ZNF169: variants seen among roughly 807,000 people sequenced by gnomAD.
The protein encoded by ZNF169 is zinc finger protein 169.
ZNF169 carries 11 observed loss-of-function variants against 12.0 expected under a neutral mutation model. The observed-to-expected ratio is 0.92, with a 90% confidence interval of 0.58 to 1.52. The LOEUF is 1.52. Among genes scored for constraint, ZNF169 ranks in the 40% most tolerant of loss-of-function variants. The pLI, the probability that ZNF169 is intolerant of heterozygous loss-of-function variation, is 0.00. For missense variants in ZNF169, 722 were observed against 744.0 expected, an observed-to-expected ratio of 0.97 and a Z score of 0.34; for synonymous variants, 302 against 286.5, an observed-to-expected ratio of 1.05 and a Z score of -0.55.
At chr9:94,278,157 A>C (rs1830558453) in intron 1 of ZNF169, among the ~76,000 whole-genome samples, 1 of 152,180 alleles carries the variant, frequency 6.6e-6, no homozygotes, top group Admixed American at 6.5e-5. Context: ...GCTTCTTAAA[A>C]ATCTCTTTAT....
intron 1 of ZNF169, among the ~76,000 whole-genome samples, chr9:94,272,784 C>G (rs1191893584): frequency 6.6e-6 from 1 of 152,058 alleles, no homozygotes. Context: ...TTTGAGGAAC[C>G]TTCATACTGT....
Position 94,300,256 on chromosome 9 carries a change from A to C in ZNF169, c.698A>C (p.His233Pro). ...TCAAGCCTGTTCAGCCACCAGAAGC[A>C]TCATGTGTGCCCTGAATGCGGGAGA... is the stretch of plus-strand genomic sequence containing the variant. Reference protein sequence around the residue: ...KKSSLFSHQKHHVCPECGRGF... With the variant: ...KKSSLFSHQKPHVCPECGRGF... The change falls in exon 5 of 5, where the codon CAT becomes CCT. Residue 233 changes from histidine (H) to proline (P), a missense_variant. His to Pro is a moderately conservative substitution (Grantham distance 77). Coordinates refer to ENST00000395395, the MANE Select transcript of ZNF169 (RefSeq NM_194320.4). 1 of 1,614,204 alleles carries C rather than the reference A, an allele frequency of 6.2e-7. No individual in the cohort carries two copies. Among genetic ancestry groups the C allele is most frequent in the African/African-American group, 1.3e-5 (1 of 75,060 alleles).
intron 4 of ZNF169, among the ~76,000 whole-genome samples, chr9:94,298,456 G>A (rs566289248): frequency 1.8e-4 from 28 of 152,070 alleles, no homozygotes; most frequent in Non-Finnish European, 2.8e-4. Flanking sequence ...CGAGGCAGGC[G>A]GATCACCTAA....
At chr9:94,267,497 C>G (rs1162524489) in intron 1 of ZNF169, among the ~76,000 whole-genome samples, 1 of 152,188 alleles carries the variant, frequency 6.6e-6, no homozygotes, top group Non-Finnish European at 1.5e-5. Flanking sequence ...TAAGAATACT[C>G]ACAGATAGTT....
At position 94,260,812 on chromosome 9, in the gene ZNF169, A is replaced by ATTT. The variant is rs561717345; in HGVS notation, c.-56+1491_-56+1493dup. Among the ~76,000 whole-genome samples the ATTT allele has an allele frequency of 5.6e-4, 39 of 70,130 alleles. 2 individuals carry two copies. Among genetic ancestry groups the ATTT allele is most frequent in the African/African-American group, 7.0e-4 (18 of 25,812 alleles). 46.0% of individuals were successfully genotyped at this position (70,130 alleles called of 152,430 possible). A position where few individuals can be genotyped will look rare whatever the true frequency, so the allele number is the denominator to read the frequency against. ...TTGGGTGGAAGGCATCCAAACCTAC[A>ATTT]TTTTTTTTTTTTTTTTTTTTTTTTT... On this transcript the variant is annotated intron_variant, in intron 1 of 4. Transcript: ENST00000395395.
chr9:94,293,154 T>C (rs1479850470), intron 4 of ZNF169, 85 bp downstream of exon 4: 1 of 1,234,292 alleles, frequency 8.1e-7, no homozygotes. Context: ...TTTGAGGTGC[T>C]AGGAGGAAGT....
intron 1 of ZNF169, among the ~76,000 whole-genome samples, chr9:94,270,354 C>T (rs1830366629): frequency 6.6e-6 from 1 of 151,736 alleles, no homozygotes. Context: ...CACTTCTTTT[C>T]TACTCTTTCT....
intron 2 of ZNF169, 63 bp downstream of exon 2, chr9:94,278,908 A>G (rs1830570244): frequency 5.7e-6 from 9 of 1,572,714 alleles, no homozygotes; most frequent in Non-Finnish European, 7.8e-6. Flanking sequence ...CTTGTCCTGA[A>G]GGCTGCCTTC....
intron 1 of ZNF169, among the ~76,000 whole-genome samples, chr9:94,265,650 T>C (rs1480049271): frequency 6.6e-6 from 1 of 152,030 alleles, no homozygotes; most frequent in African/African-American, 2.4e-5. Context: ...GTAAGTGTGC[T>C]TTCATCTAAA....
chr9:94,295,460 T>G (rs893499899), intron 4 of ZNF169: 12 of 152,234 alleles, frequency 7.9e-5, no homozygotes, highest in Non-Finnish European at 1.3e-4. Context: ...TTTTGGCATA[T>G]GTATACATGC....
rs752129634 is a variant in ZNF169, at chr9:94,299,931, G to T, written c.373G>T (p.Ala125Ser). ...CACACAGATCTTCCCAAGCTCATCT[G>T]CAGGAGGTGACTTCCAACTAGAAGC... ...HPTQIFPSSSAGGDFQLEAPR... is the reference protein window; with the variant it reads ...HPTQIFPSSSSGGDFQLEAPR... Residue 125 changes from alanine (A) to serine (S), a missense_variant, in exon 5 of 5, where the codon GCA becomes TCA. Ala to Ser is a moderately conservative substitution (Grantham distance 99). Transcript: ENST00000395395. The T allele has an allele frequency of 3.7e-5, 59 of 1,613,996 alleles. No individual in the cohort carries two copies. The highest frequency in any genetic ancestry group is 5.0e-5 in the Non-Finnish European group (59 of 1,180,040).
chr9:94,267,862 C>CTTTT (rs34734711), intron 1 of ZNF169, among the ~76,000 whole-genome samples: 14,133 of 113,794 alleles, frequency 0.12, 1,128 homozygotes, highest in Middle Eastern at 0.18. Context: ...AAACTGCCTT[C>CTTTT]TTTTTTTTTT....
At chr9:94,277,902 C>T (rs1012303580) in intron 1 of ZNF169, among the ~76,000 whole-genome samples, 10 of 150,228 alleles carry the variant, frequency 6.7e-5, no homozygotes, top group African/African-American at 2.5e-4. Context: ...ACTGCACTCC[C>T]GCCTGGGCCA....
chr9:94,293,257 G>A, intron 4 of ZNF169, 188 bp downstream of exon 4: 2 of 613,190 alleles, frequency 3.3e-6, no homozygotes, highest in African/African-American at 1.8e-5. Context: ...GGCACCCCTG[G>A]CATTCCATCT....
At chr9:94,288,294 A>G in intron 2 of ZNF169, 1 of 840,332 alleles carries the variant, frequency 1.2e-6, no homozygotes, top group Non-Finnish European at 2.1e-6. Context: ...GATCTTCCAC[A>G]GTAACCTCAG....
At chr9:94,287,873 C>G in intron 2 of ZNF169, 1 of 1,004,832 alleles carries the variant, frequency 1.0e-6, no homozygotes, top group Non-Finnish European at 1.6e-6. Flanking sequence ...CAGGGTCGAT[C>G]TGATACTTGG....
chr9:94,289,898 G>A (rs944528371), intron 2 of ZNF169, among the ~76,000 whole-genome samples: 2 of 152,052 alleles, frequency 1.3e-5, no homozygotes, highest in African/African-American at 4.8e-5. Context: ...AGAAAACAAA[G>A]AGGCAAAAAG....
At chr9:94,298,024 C>G (rs1652493020) in intron 4 of ZNF169, among the ~76,000 whole-genome samples, 1 of 151,712 alleles carries the variant, frequency 6.6e-6, no homozygotes, top group Admixed American at 6.6e-5. Context: ...AAAAATTAGC[C>G]AGGCGTAGTA....
In ZNF169 at chr9:94,278,810, GAT is replaced by G. The variant is rs764158991; in HGVS notation, c.1_2del. The G allele has an allele frequency of 5.3e-5, 85 of 1,613,846 alleles. No individual in the cohort carries two copies. The highest frequency in any genetic ancestry group is 6.8e-5 in the Non-Finnish European group (80 of 1,179,970). On this transcript the variant is annotated 5_prime_UTR_variant, in exon 2 of 5. Coordinates refer to ENST00000395395, the MANE Select transcript of ZNF169 (RefSeq NM_194320.4). ...TAGGAAGAGTACTCCAGAGAGCAGG[GAT>G]ATGTCACCAGGACTCCTGACAACCA...
Sources: allele counts gnomAD v4.1 joint callset (sites outside exome capture counted in the v4.1 genomes callset), GRCh38; gene constraint gnomAD v4.1.1; transcripts MANE v1.5; gene names NCBI Gene and HGNC (gene_info 2026-07-23, HGNC 2026-07-21).